The following FOXP3 variants were observed in gnomAD, a reference collection of about 807,000 sequenced individuals.
FOXP3 encodes forkhead box P3.
FOXP3 carries 5 observed loss-of-function variants against 31.2 expected under a neutral mutation model. The ratio of observed to expected loss-of-function variants is 0.16; its 90% confidence interval spans 0.08 to 0.34. The LOEUF (loss-of-function observed/expected upper bound fraction) is 0.34. Ranked by LOEUF, FOXP3 falls within the 10% of genes least tolerant of loss-of-function variation. FOXP3 has a pLI of 1.00. For synonymous variants in FOXP3, 141 were observed against 148.8 expected (o/e 0.95, Z 0.38); for missense variants, 251 against 363.0 (o/e 0.69, Z 2.51).
chrX:49,257,675 A>C lies in FOXP3; in HGVS notation c.304T>G (p.Phe102Val). The C allele has an allele frequency of 8.5e-7, 1 of 1,181,781 alleles. No individual in the cohort carries two copies. Among genetic ancestry groups the C allele is most frequent in the Non-Finnish European group, 1.1e-6 (1 of 879,751 alleles). Residue 102 changes from phenylalanine to valine, a missense_variant, in exon 3 of 12, where the codon TTC becomes GTC. Phe to Val is a conservative substitution (Grantham distance 50, BLOSUM62 -1). Around this residue, in one of 4 missense-constraint regions of FOXP3, gnomAD observed 152 missense variants for 188.1 expected, o/e 0.81. Coordinates refer to ENST00000376207, the MANE Select transcript of FOXP3 (RefSeq NM_014009.4). ...TTCACCGTCCATACCTGGTGCATGAAATGTGGCCTGTCCTGGAGGAGTGCC... is the reference window on the plus strand; with the variant it reads ...TTCACCGTCCATACCTGGTGCATGACATGTGGCCTGTCCTGGAGGAGTGCC... ...LQALLQDRPHFMHQLSTVDAH... is the reference protein window; with the variant it reads ...LQALLQDRPHVMHQLSTVDAH...
At chrX:49,264,350 C>T (rs2066128067) in intron 1 of FOXP3, among the ~76,000 whole-genome samples, 1 of 112,014 alleles carries the variant, frequency 8.9e-6, no homozygotes, top group East Asian at 2.8e-4. Context: ...TGCACCTGGA[C>T]AGCATTTCAA....
In FOXP3 at chrX:49,258,332, A is replaced by G. The variant is rs782796877; in HGVS notation, c.174T>C (p.Ser58=). ...ATGGTGGCATGGGGTTCAAGGAAGAAGAGGAGGCATGGGCCCCGCCTCGAA... is the reference window on the plus strand; with the variant it reads ...ATGGTGGCATGGGGTTCAAGGAAGAGGAGGAGGCATGGGCCCCGCCTCGAA... The part of the protein sequence containing the change: ...RDLRGGAHAS[S]SSLNPMPPSQ... Residue 58 remains serine (S), a synonymous_variant, in exon 2 of 12, where the codon TCT becomes TCC. Transcript: ENST00000376207. 1.0e-5 allele frequency: 12 copies of G among 1,165,482 alleles called. No homozygotes were observed. Among genetic ancestry groups the G allele is most frequent in the Admixed American group, 5.2e-5 (2 of 38,638 alleles).
chrX:49,255,472 G>A lies in FOXP3; in HGVS notation c.773C>T (p.Ala258Val), dbSNP rs369698589. 3.2e-5 allele frequency: 39 copies of A among 1,201,586 alleles called. No homozygotes were observed. The highest frequency in any genetic ancestry group is 4.2e-5 in the Non-Finnish European group (37 of 890,597). ...CAGTGCCATTTTCCCAGCCAGGTGG[G>A]CCTGCATGGCACTCAGCTTCTCCTT... ...LEKEKLSAMQ[A>V]HLAGKMALTK... The change falls in exon 8 of 12, where the codon GCC becomes GTC. Residue 258 changes from alanine (A) to valine (V), a missense_variant. Around this residue, in one of 4 missense-constraint regions of FOXP3, gnomAD observed 6 missense variants for 26.0 expected, o/e 0.23. Coordinates refer to ENST00000376207, the MANE Select transcript of FOXP3 (RefSeq NM_014009.4).
chrX:49,259,340 C>T, intron 1 of FOXP3: 3 of 510,123 alleles, frequency 5.9e-6, no homozygotes, highest in African/African-American at 2.4e-5. Context: ...CAGCTGAATA[C>T]GGGGGTCTGG....
Position 49,251,312 on chromosome X carries a change from C to T in FOXP3, c.*22G>A. On this transcript the variant is annotated 3_prime_UTR_variant, in exon 12 of 12. Transcript: ENST00000376207. ...ACCAGTTTGGCCCCTGTTCGTCCAT[C>T]CTCCTTTCCTTGATCTTGAGGTCAG... is the stretch of plus-strand genomic sequence containing the variant. 3.3e-6 allele frequency: 4 copies of T among 1,204,563 alleles called. No individual in the cohort carries two copies. The highest frequency in any genetic ancestry group is 4.5e-6 in the Non-Finnish European group (4 of 891,898).
chrX:49,254,620 C>A, intron 8 of FOXP3, among the ~76,000 whole-genome samples: 1 of 111,597 alleles, frequency 9.0e-6, no homozygotes, highest in East Asian at 2.8e-4. Context: ...CAACTGTGAC[C>A]TTGGGAAAGT....
chrX:49,251,103 G>A lies in FOXP3; in HGVS notation c.*231C>T. 1 of 437,066 alleles carries A rather than the reference G, an allele frequency of 2.3e-6. No individual in the cohort carries two copies. Among genetic ancestry groups the A allele is most frequent in the East Asian group, 3.8e-5 (1 of 26,406 alleles). The allele number at this position is 437,066 out of a possible 1,213,427, so 36.0% of individuals were successfully genotyped here. A position where few individuals can be genotyped will look rare whatever the true frequency, so the allele number is the denominator to read the frequency against. Reference sequence around the variant, plus strand: ...TGGGGGGTGTGTCTGGGGCGGAGGTGGGGGCTGGGGCCAGGACCGGGGCCC... The same window carrying A: ...TGGGGGGTGTGTCTGGGGCGGAGGTAGGGGCTGGGGCCAGGACCGGGGCCC... On this transcript the variant is annotated 3_prime_UTR_variant, in exon 12 of 12. Transcript: ENST00000376207.
chrX:49,259,986 GCTGTCACCTC>G (rs1249850512), intron 1 of FOXP3, among the ~76,000 whole-genome samples: 3 of 111,245 alleles, frequency 2.7e-5, no homozygotes, highest in Non-Finnish European at 5.7e-5. Flanking sequence ...TCCTTTCTTT[GCTGTCACCTC>G]CTGGGGGTGG....
Position 49,253,207 on chromosome X carries a change from CAG to C in FOXP3, c.968-7_968-6del, listed in dbSNP as rs1557115807. ...AGTCCATGTTGTGGAGGAACTCTGT[CAG>C]AGGGTGGGGATGAATCAAGCCCCAT... On this transcript the variant is annotated splice_polypyrimidine_tract_variant and splice_region_variant and intron_variant, in intron 9 of 11. Transcript: ENST00000376207. 2 of 1,203,381 alleles carry C rather than the reference CAG, an allele frequency of 1.7e-6. No homozygotes were observed. The highest frequency in any genetic ancestry group is 2.2e-5 in the Admixed American group (1 of 45,524).
intron 1 of FOXP3, chrX:49,259,153 A>G (rs1003763723): frequency 2.1e-5 from 11 of 523,268 alleles, no homozygotes; most frequent in Non-Finnish European, 3.5e-5. Flanking sequence ...GCTTGGATGT[A>G]GTGGGCAAGA....
chrX:49,258,599 C>T (rs1199957304), intron 1 of FOXP3, 72 bp from the exon 2 acceptor site: 4 of 864,106 alleles, frequency 4.6e-6, no homozygotes, highest in East Asian at 3.5e-5. Context: ...ACCTGAGCCA[C>T]GTGGACACTC....
chrX:49,264,628 C>T (rs2066129917), intron 1 of FOXP3, 33 bp downstream of exon 1: 8 of 746,216 alleles, frequency 1.1e-5, no homozygotes, highest in African/African-American at 2.3e-5. Flanking sequence ...CCAATGGGGC[C>T]CACATCTGGT....
At chrX:49,256,633 C>G (rs1602685631) in intron 6 of FOXP3, 118 bp downstream of exon 6, 2 of 604,331 alleles carry the variant, frequency 3.3e-6, no homozygotes, top group Non-Finnish European at 5.6e-6. Flanking sequence ...CCCACAGTCT[C>G]AGAGTTTAGC....
chrX:49,264,705 G>A lies in FOXP3; in HGVS notation c.-67C>T. The A allele has an allele frequency of 2.7e-6, 2 of 754,130 alleles. No individual in the cohort carries two copies. The highest frequency in any genetic ancestry group is 3.1e-6 in the Non-Finnish European group (2 of 639,239). 62.1% of individuals were successfully genotyped at this position (754,130 alleles called of 1,213,427 possible). Reference sequence around the variant, plus strand: ...AGAAAAGGATCAGCCTGGCTTGTGGGAAACTGTCACGTATCAAAAACAACT... The same window carrying A: ...AGAAAAGGATCAGCCTGGCTTGTGGAAAACTGTCACGTATCAAAAACAACT... On this transcript the variant is annotated 5_prime_UTR_variant, in exon 1 of 12. Transcript: ENST00000376207.
At chrX:49,260,300 C>G (rs986592903) in intron 1 of FOXP3, among the ~76,000 whole-genome samples, 9 of 112,083 alleles carry the variant, frequency 8.0e-5, no homozygotes, top group African/African-American at 2.3e-4. Context: ...AGGAACCAAC[C>G]CTGGCAACAC....
Position 49,255,462 on chromosome X carries a change from A to G in FOXP3, c.783T>C (p.Ala261=). The G allele has an allele frequency of 1.7e-6, 2 of 1,204,454 alleles. No homozygotes were observed. The highest frequency in any genetic ancestry group is 3.6e-5 in the South Asian group (2 of 55,388). Residue 261 remains alanine (A), a synonymous_variant, in exon 8 of 12, where the codon GCT becomes GCC. Coordinates refer to ENST00000376207, the MANE Select transcript of FOXP3 (RefSeq NM_014009.4). ...EKLSAMQAHL[A]GKMALTKASS... ...AAGCCTTGGTCAGTGCCATTTTCCC[A>G]GCCAGGTGGGCCTGCATGGCACTCA...
intron 1 of FOXP3, among the ~76,000 whole-genome samples, chrX:49,263,683 G>A (rs1287253021): frequency 1.8e-5 from 2 of 112,022 alleles, no homozygotes; most frequent in Non-Finnish European, 3.8e-5. Flanking sequence ...CTAACACTTC[G>A]TGAGCACTTA....
rs1414742707 is a variant in FOXP3, at chrX:49,250,532, G to A, written c.*802C>T. On this transcript the variant is annotated 3_prime_UTR_variant, in exon 12 of 12. Coordinates refer to ENST00000376207, the MANE Select transcript of FOXP3 (RefSeq NM_014009.4). ...GTAGTTCCTCTGCAGTCTAAGCTGA[G>A]GCATGGATCAGGGCTCAGGGAATGG... The A allele has an allele frequency of 2.9e-5, 13 of 450,841 alleles. No homozygotes were observed. The Admixed American group carries it at 3.7e-4, about 13-fold the overall frequency. The allele number at this position is 450,841 out of a possible 1,213,427, so 37.2% of individuals were successfully genotyped here. A position where few individuals can be genotyped will look rare whatever the true frequency, so the allele number is the denominator to read the frequency against.
intron 10 of FOXP3, among the ~76,000 whole-genome samples, chrX:49,252,404 C>G (rs1296415181): frequency 9.1e-6 from 1 of 110,334 alleles, no homozygotes; most frequent in African/African-American, 3.3e-5. Flanking sequence ...GGAATTTGAT[C>G]AGTTTGGATT....
Sources: gnomAD v4.1 joint callset for allele counts (sites outside exome capture counted in the v4.1 genomes callset) on GRCh38, gnomAD v4.1.1 for gene constraint, gnomAD v4.1.1 regional missense constraint, MANE v1.5 for transcripts, NCBI Gene and HGNC (gene_info 2026-07-23, HGNC 2026-07-21) for gene names.